The following SAMD7 variants were observed in gnomAD, a reference collection of about 807,000 sequenced individuals.
The protein encoded by SAMD7 is sterile alpha motif domain-containing protein 7.
Under a neutral mutation model 36.7 loss-of-function variants are expected in SAMD7, and 34 were observed. That is an observed-to-expected ratio of 0.93 (90% CI 0.71 to 1.23). SAMD7 has a LOEUF of 1.23. SAMD7 is among the 50% of genes most tolerant of loss of function. SAMD7 has a pLI of 0.00. For missense variants in SAMD7, 570 were observed against 546.6 expected (o/e 1.04, Z -0.43); for synonymous variants, 188 against 189.7 (o/e 0.99, Z 0.07).
chr3:169,934,331 A>G (rs1713632003), intron 7 of SAMD7, among the ~76,000 whole-genome samples: 1 of 152,200 alleles, frequency 6.6e-6, no homozygotes, highest in African/African-American at 2.4e-5. Flanking sequence ...CAGGAGGATA[A>G]GAACACAACC....
At chr3:169,934,789 G>A (rs940627531) in intron 7 of SAMD7, among the ~76,000 whole-genome samples, 1 of 152,238 alleles carries the variant, frequency 6.6e-6, no homozygotes. Context: ...AAGCTGAAAT[G>A]AATCAGGAAG....
At position 169,932,466 on chromosome 3, in the gene SAMD7, G is replaced by T. The variant is rs1402524189; in HGVS notation, c.1042-3873G>T. 6.6e-6 allele frequency: 4 copies of T among 602,348 alleles called. No individual in the cohort carries two copies. In the African/African-American group the frequency reaches 7.4e-5, roughly 11 times the overall value. 37.3% of individuals were successfully genotyped at this position (602,348 alleles called of 1,614,324 possible). A position where few individuals can be genotyped will look rare whatever the true frequency, so the allele number is the denominator to read the frequency against. ...TGCGGAGGTAGCAGCCTTTCACTTG[G>T]ACAGGATTGTGGGTGTCCCAGAGCC... is the stretch of plus-strand genomic sequence containing the variant. On this transcript the variant is annotated intron_variant, in intron 7 of 8. Transcript: ENST00000335556.
intron 8 of SAMD7, 45 bp from the exon 9 acceptor site, chr3:169,938,273 A>T (rs1713792896): frequency 7.2e-7 from 1 of 1,384,050 alleles, no homozygotes; most frequent in Non-Finnish European, 1.0e-6. Context: ...GAGTTAATGA[A>T]AAAAATTCAT....
intron 7 of SAMD7, among the ~76,000 whole-genome samples, chr3:169,931,426 T>A (rs923273008): frequency 5.3e-5 from 8 of 151,666 alleles, no homozygotes; most frequent in Non-Finnish European, 1.2e-4. Context: ...TGCTTGAAAA[T>A]TTATCCACGT....
In SAMD7 at chr3:169,925,194, CTTG is replaced by C. The variant is rs1713207326; in HGVS notation, c.290+61_290+63del. The stretch of plus-strand genomic sequence containing the variant: ...ATTCATTCACTTGCTCATTTATTCA[CTTG>C]TTATCTTCATATAACAAATGAATAG... On this transcript the variant is annotated intron_variant, in intron 5 of 8. Coordinates refer to ENST00000335556, the MANE Select transcript of SAMD7 (RefSeq NM_001304366.2). The C allele has an allele frequency of 4.8e-5, 52 of 1,090,224 alleles. 1 individual carries two copies. The South Asian group carries it at 6.7e-4, about 14-fold the overall frequency. The allele number at this position is 1,090,224 out of a possible 1,614,324, so 67.5% of individuals were successfully genotyped here.
At chr3:169,923,197 G>A (rs946193338) in intron 4 of SAMD7, among the ~76,000 whole-genome samples, 5 of 152,324 alleles carry the variant, frequency 3.3e-5, no homozygotes, top group South Asian at 4.1e-4. Context: ...TAGGATTCAC[G>A]CCTGGGTCAG....
intron 7 of SAMD7, among the ~76,000 whole-genome samples, chr3:169,931,051 AT>A (rs1436711973): frequency 6.6e-6 from 1 of 152,202 alleles, no homozygotes; most frequent in African/African-American, 2.4e-5. Context: ...CAGAAAAAAA[AT>A]AACAACTAAA....
chr3:169,925,403 G>A (rs1713217022), intron 5 of SAMD7, among the ~76,000 whole-genome samples: 1 of 151,942 alleles, frequency 6.6e-6, no homozygotes. Flanking sequence ...ATACAAACAT[G>A]TATGCAGGTT....
At position 169,919,451 on chromosome 3, in the gene SAMD7, T is replaced by C. The variant is rs758405733; in HGVS notation, c.-41-7T>C. The C allele has an allele frequency of 5.6e-6, 8 of 1,429,430 alleles. No individual in the cohort carries two copies. The highest frequency in any genetic ancestry group is 5.9e-6 in the Non-Finnish European group (6 of 1,011,686). The allele number at this position is 1,429,430 out of a possible 1,614,324, so 88.5% of individuals were successfully genotyped here. ...ATTTGTTAAAGTGTCTATCTGGTTC[T>C]TTTTAGAACTCCATTAGTGGCGAGA... On this transcript the variant is annotated splice_region_variant and splice_polypyrimidine_tract_variant and intron_variant, in intron 2 of 8. Transcript: ENST00000335556.
intron 8 of SAMD7, among the ~76,000 whole-genome samples, chr3:169,937,226 T>C (rs1257648994): frequency 6.6e-6 from 1 of 152,158 alleles, no homozygotes; most frequent in Admixed American, 6.6e-5. Context: ...TCATCTCTCA[T>C]TGGATGACTG....
chr3:169,922,945 C>T (rs60806691), intron 4 of SAMD7, among the ~76,000 whole-genome samples: 6,928 of 152,248 alleles, frequency 0.046, 479 homozygotes, highest in African/African-American at 0.15. Context: ...CGCCATGTGG[C>T]GGTCATCAGA....
rs370016414 is a variant in SAMD7, at chr3:169,920,161, C to T, written c.86+577C>T. Among the ~76,000 whole-genome samples the T allele has an allele frequency of 7.4e-4, 113 of 152,112 alleles. 3 individuals carry two copies. The South Asian group carries it at 0.022, about 30-fold the overall frequency. On this transcript the variant is annotated intron_variant, in intron 3 of 8. Coordinates refer to ENST00000335556, the MANE Select transcript of SAMD7 (RefSeq NM_001304366.2). ...TGCACTCCAGCCTGGGCAACAAGAG[C>T]GAAACTCCATCTCAGAAAAAATAAA...
intron 3 of SAMD7, 34 bp from the exon 4 acceptor site, chr3:169,921,180 T>C (rs751528037): frequency 6.2e-7 from 1 of 1,605,162 alleles, no homozygotes; most frequent in Non-Finnish European, 8.5e-7. Flanking sequence ...CAACCTCATT[T>C]TACCTATTTT....
At chr3:169,928,247 T>TAC (rs1007957140) in intron 6 of SAMD7, among the ~76,000 whole-genome samples, 6 of 152,350 alleles carry the variant, frequency 3.9e-5, no homozygotes, top group African/African-American at 1.4e-4. Flanking sequence ...CTTGTTTACT[T>TAC]ACAATAAATG....
Position 169,921,144 on chromosome 3 carries a change from G to T in SAMD7, c.87-70G>T, listed in dbSNP as rs551474801. Reference sequence around the variant, plus strand: ...CATATGGCAATAACAAAATCTCATTGTCTCAGCCATGGAAATTGTGTACTC... The same window carrying T: ...CATATGGCAATAACAAAATCTCATTTTCTCAGCCATGGAAATTGTGTACTC... On this transcript the variant is annotated intron_variant, in intron 3 of 8. Coordinates refer to ENST00000335556, the MANE Select transcript of SAMD7 (RefSeq NM_001304366.2). 105 of 1,424,218 alleles carry T rather than the reference G, an allele frequency of 7.4e-5. 1 individual carries two copies. The South Asian group carries it at 1.2e-3, about 16-fold the overall frequency. 88.2% of individuals were successfully genotyped at this position (1,424,218 alleles called of 1,614,324 possible).
intron 7 of SAMD7, chr3:169,932,489 G>C (rs1245680575): frequency 3.4e-6 from 2 of 586,364 alleles, no homozygotes; most frequent in East Asian, 8.5e-5. Context: ...GTGTCCCAGA[G>C]CCCTGCTGAT....
At chr3:169,913,580 T>A (rs1011192735) in intron 1 of SAMD7, among the ~76,000 whole-genome samples, 12 of 152,186 alleles carry the variant, frequency 7.9e-5, no homozygotes, top group Admixed American at 2.0e-4. Context: ...GTGCTGGGCA[T>A]CCAGGATTAG....
chr3:169,923,871 TA>T (rs1481397433), intron 4 of SAMD7, among the ~76,000 whole-genome samples: 3 of 152,222 alleles, frequency 2.0e-5, no homozygotes, highest in African/African-American at 7.2e-5. Flanking sequence ...GGTTGTTAGG[TA>T]GCAGTGAATT....
In SAMD7 at chr3:169,932,725, G is replaced by A. The variant is rs954487726; in HGVS notation, c.1042-3614G>A. ...AGAAACACTGACACCCGTGGGCCAG[G>A]ACTTACTGAAAAGGCAAATTGGCCA... On this transcript the variant is annotated intron_variant, in intron 7 of 8. Transcript: ENST00000335556. The A allele has an allele frequency of 1.3e-5, 7 of 538,076 alleles. No homozygotes were observed. In the African/African-American group the frequency reaches 1.4e-4, roughly 10 times the overall value. The allele number at this position is 538,076 out of a possible 1,614,324, so 33.3% of individuals were successfully genotyped here. A position where few individuals can be genotyped will look rare whatever the true frequency, so the allele number is the denominator to read the frequency against.
Sources: gnomAD v4.1 joint callset for allele counts (sites outside exome capture counted in the v4.1 genomes callset) on GRCh38, gnomAD v4.1.1 for gene constraint, MANE v1.5 for transcripts, NCBI Gene and HGNC (gene_info 2026-07-23, HGNC 2026-07-21) for gene names.